PRKDC: variants seen among roughly 807,000 people sequenced by gnomAD.
PRKDC encodes the protein protein kinase, DNA-activated, catalytic subunit.
Under a neutral mutation model 486.9 loss-of-function variants are expected in PRKDC, and 82 were observed. That is an observed-to-expected ratio of 0.17 (90% CI 0.14 to 0.20). PRKDC has a LOEUF of 0.20. Among genes scored for constraint, PRKDC ranks in the 10% least tolerant of loss-of-function variants. The pLI, the probability that PRKDC is intolerant of heterozygous loss-of-function variation, is 1.00. For synonymous variants in PRKDC, 1,895 were observed against 1,837.0 expected (o/e 1.03, Z -0.81); for missense variants, 4,504 against 5,038.2 (o/e 0.89, Z 3.21).
chr8:47,776,379 G>C (rs1201078305), intron 85 of PRKDC, among the ~76,000 whole-genome samples: 1 of 151,982 alleles, frequency 6.6e-6, no homozygotes, highest in African/African-American at 2.4e-5. Context: ...ATTTGCTTTA[G>C]ACCTCAACAA....
chr8:47,831,817 C>G lies in PRKDC; in HGVS notation c.8262G>C (p.Glu2754Asp), dbSNP rs757087185. 32 of 1,613,760 alleles carry G rather than the reference C, an allele frequency of 2.0e-5. No homozygotes were observed. The highest frequency in any genetic ancestry group is 2.5e-5 in the Non-Finnish European group (30 of 1,179,660). The change falls in exon 60 of 86, where the codon GAG becomes GAC. Residue 2754 changes from glutamate (E) to aspartate (D), a missense_variant. Physicochemically the swap from Glu to Asp is conservative, Grantham distance 45. Transcript: ENST00000314191. ...ARKGVAEQKR[E>D]KEIKSELKMK... ...AAATTCTTGACAAGATACAAACCTT[C>G]TCTCGTTTTTGCTCAGCAACGCCTT...
At position 47,774,364 on chromosome 8, in the gene PRKDC, G is replaced by A; in HGVS notation, c.12196C>T (p.Leu4066=). 1 of 1,612,762 alleles carries A rather than the reference G, an allele frequency of 6.2e-7. No individual in the cohort carries two copies. Among genetic ancestry groups the A allele is most frequent in the Non-Finnish European group, 8.5e-7 (1 of 1,179,724 alleles). Residue 4066 remains leucine (L), a synonymous_variant, in exon 86 of 86, where the codon CTG becomes TTG. Coordinates refer to ENST00000314191, the MANE Select transcript of PRKDC (RefSeq NM_006904.7). ...AAGGCAGGGGCCTTCTCATGACCCA[G>A]GAGTAGCTCATCACTGGAAAAAAAA... The part of the protein sequence containing the change: ...PAVITCDELL[L]GHEKAPAFRD...
chr8:47,872,325 C>T (rs1433195225), intron 40 of PRKDC, among the ~76,000 whole-genome samples: 7 of 151,252 alleles, frequency 4.6e-5, no homozygotes, highest in African/African-American at 7.3e-5. Flanking sequence ...ACATATGACC[C>T]GAGAAAATAA....
intron 16 of PRKDC, among the ~76,000 whole-genome samples, chr8:47,932,810 T>C (rs1188059884): frequency 6.6e-6 from 1 of 152,106 alleles, no homozygotes; most frequent in Admixed American, 6.5e-5. Flanking sequence ...AATTAACATA[T>C]ATAAATTACT....
chr8:47,902,535 C>A (rs2089705812), intron 27 of PRKDC, 34 bp downstream of exon 27: 1 of 1,415,832 alleles, frequency 7.1e-7, no homozygotes, highest in African/African-American at 1.4e-5. Flanking sequence ...TTCAAAACCA[C>A]AAGTTTCTCT....
intron 21 of PRKDC, among the ~76,000 whole-genome samples, chr8:47,923,136 T>A (rs1216590078): frequency 6.6e-6 from 1 of 151,736 alleles, no homozygotes; most frequent in Non-Finnish European, 1.5e-5. Context: ...TGATCTCGGC[T>A]CACTGCAACC....
At chr8:47,785,405 T>A (rs1468251820) in intron 76 of PRKDC, 88 bp from the exon 77 acceptor site, 9 of 1,006,048 alleles carry the variant, frequency 8.9e-6, no homozygotes, top group Non-Finnish European at 1.3e-5. Context: ...ATGAATGGAG[T>A]GCTCAATGGT....
chr8:47,869,348 G>A (rs957229553), intron 40 of PRKDC, among the ~76,000 whole-genome samples: 1 of 151,546 alleles, frequency 6.6e-6, no homozygotes, highest in African/African-American at 2.4e-5. Flanking sequence ...AGCAGAACAG[G>A]GCACCAGGGA....
At chr8:47,938,338 G>T (rs756068515) in intron 11 of PRKDC, among the ~76,000 whole-genome samples, 1 of 151,704 alleles carries the variant, frequency 6.6e-6, no homozygotes, top group Non-Finnish European at 1.5e-5. Context: ...TTGAACCCGG[G>T]AGGTGGAGGT....
Position 47,859,635 on chromosome 8 carries a change from A to T in PRKDC, c.6183T>A (p.Pro2061=), listed in dbSNP as rs769146563. The change falls in exon 46 of 86, where the codon CCT becomes CCA. Residue 2061 remains proline (P), a synonymous_variant. Transcript: ENST00000314191. ...SYSYSSQDPR[P]ATGRFRRREQ... Reference sequence around the variant, plus strand: ...CCCGTCTCCGAAAACGACCAGTGGCAGGTCTAGGGTCTTGGGAGCTGTATG... The same window carrying T: ...CCCGTCTCCGAAAACGACCAGTGGCTGGTCTAGGGTCTTGGGAGCTGTATG... The T allele has an allele frequency of 6.2e-7, 1 of 1,610,004 alleles. No individual in the cohort carries two copies. Among genetic ancestry groups the T allele is most frequent in the Non-Finnish European group, 8.5e-7 (1 of 1,178,810 alleles).
intron 75 of PRKDC, 32 bp downstream of exon 75, chr8:47,789,119 G>A (rs772403229): frequency 2.5e-6 from 4 of 1,612,462 alleles, no homozygotes; most frequent in Non-Finnish European, 3.4e-6. Context: ...CAACTTATAT[G>A]TTTTATGTGC....
intron 38 of PRKDC, among the ~76,000 whole-genome samples, chr8:47,880,266 T>C (rs1204455031): frequency 1.3e-5 from 2 of 152,334 alleles, no homozygotes; most frequent in East Asian, 3.9e-4. Flanking sequence ...ATAATGAACC[T>C]AGTAAAAATG....
chr8:47,902,638 G>A lies in PRKDC; in HGVS notation c.3200C>T (p.Ala1067Val), dbSNP rs1178128453. 7 of 1,613,102 alleles carry A rather than the reference G, an allele frequency of 4.3e-6. No individual in the cohort carries two copies. Among genetic ancestry groups the A allele is most frequent in the East Asian group, 2.2e-5 (1 of 44,866 alleles). Reference protein sequence around the residue: ...KSLFKRLYSLALHPNAFKRLG... With the variant: ...KSLFKRLYSLVLHPNAFKRLG... ...CCTCTTGAAAGCATTGGGGTGAAGC[G>A]CAAGGCTATAAAGTCGCTTGAAAAG... Residue 1067 changes from alanine to valine, a missense_variant, in exon 27 of 86, where the codon GCG (alanine) becomes GTG (valine). Around this residue, in one of 6 missense-constraint regions of PRKDC, gnomAD observed 1,969 missense variants for 2,068.9 expected, o/e 0.95. Transcript: ENST00000314191.
At chr8:47,928,083 G>A (rs549116837) in intron 19 of PRKDC, among the ~76,000 whole-genome samples, 193 bp from the exon 20 acceptor site, 3 of 151,566 alleles carry the variant, frequency 2.0e-5, no homozygotes, top group South Asian at 4.2e-4. Context: ...CCTACTACAT[G>A]GAAAAACAAG....
chr8:47,939,693 G>A lies in PRKDC; in HGVS notation c.971C>T (p.Ser324Phe). The change falls in exon 11 of 86, where the codon TCT (serine) becomes TTT (phenylalanine). Residue 324 changes from serine (S) to phenylalanine (F), a missense_variant. Ser to Phe is a radical substitution (Grantham distance 155). This residue lies in a region of PRKDC where 1,969 missense variants were observed against 2,068.9 expected (regional missense o/e 0.95). Transcript: ENST00000314191. ...TTCTGCATTTTTCGCCACCATATTA[G>A]AAACCTGCAAATACATAATATTTAT... ...SALESFLKQV[S>F]NMVAKNAEMH... The A allele has an allele frequency of 6.3e-7, 1 of 1,592,144 alleles. No homozygotes were observed. The highest frequency in any genetic ancestry group is 8.6e-7 in the Non-Finnish European group (1 of 1,168,132).
rs1282130213 is a variant in PRKDC, at chr8:47,826,816, C to A, written c.8623G>T (p.Ala2875Ser). The A allele has an allele frequency of 2.5e-6, 4 of 1,604,548 alleles. No individual in the cohort carries two copies. Among genetic ancestry groups the A allele is most frequent in the Non-Finnish European group, 3.4e-6 (4 of 1,175,334 alleles). Residue 2875 changes from alanine (A) to serine (S), a missense_variant, in exon 63 of 86, where the codon GCT becomes TCT. By Grantham distance (99) the Ala-to-Ser change is moderately conservative. Around this residue, in one of 6 missense-constraint regions of PRKDC, gnomAD observed 1,592 missense variants for 1,724.6 expected, o/e 0.92. Coordinates refer to ENST00000314191, the MANE Select transcript of PRKDC (RefSeq NM_006904.7). ...CTGGCCAGGCAACCAGCGCTAACAG[C>A]CGCTGGGTCGAGGCTCAGCAGGGCT... is the stretch of plus-strand genomic sequence containing the variant. ...HAALLSLDPA[A>S]VSAGCLASLQ...
intron 28 of PRKDC, among the ~76,000 whole-genome samples, chr8:47,900,102 T>C (rs555375106): frequency 3.3e-5 from 5 of 152,350 alleles, no homozygotes; most frequent in East Asian, 1.9e-4. Flanking sequence ...ACTGGCTTCG[T>C]TGTCTCCCCT....
At chr8:47,900,500 G>GAA (rs2089659575) in intron 27 of PRKDC, 33 bp from the exon 28 acceptor site, 2 of 1,507,544 alleles carry the variant, frequency 1.3e-6, no homozygotes, top group African/African-American at 2.8e-5. Flanking sequence ...CCTCACCTAA[G>GAA]AAAACAATAA....
Position 47,933,072 on chromosome 8 carries a change from A to G in PRKDC, c.1724T>C (p.Ile575Thr). Residue 575 changes from isoleucine (I) to threonine (T), a missense_variant, in exon 16 of 86, where the codon ATT (isoleucine) becomes ACT (threonine). By Grantham distance (89) the Ile-to-Thr change is moderately conservative. Around this residue, in one of 6 missense-constraint regions of PRKDC, gnomAD observed 1,969 missense variants for 2,068.9 expected, o/e 0.95. Transcript: ENST00000314191. Reference sequence around the variant, plus strand: ...AAGTGTAAGATCCAATTTCTCAACAATCTTCAAAACGGATTTTACAAATTC... The same window carrying G: ...AAGTGTAAGATCCAATTTCTCAACAGTCTTCAAAACGGATTTTACAAATTC... ...YDEFVKSVLK[I>T]VEKLDLTLEI... 1 of 1,596,470 alleles carries G rather than the reference A, an allele frequency of 6.3e-7. No individual in the cohort carries two copies. The highest frequency in any genetic ancestry group is 1.2e-5 in the South Asian group (1 of 86,432).
Sources: allele counts gnomAD v4.1 joint callset (sites outside exome capture counted in the v4.1 genomes callset), GRCh38; gene constraint gnomAD v4.1.1; regional missense constraint gnomAD v4.1.1; transcripts MANE v1.5; gene names NCBI Gene and HGNC (gene_info 2026-07-23, HGNC 2026-07-21).